The following WDR41 variants were observed in gnomAD, a reference collection of about 807,000 sequenced individuals.
WDR41 encodes the protein WD repeat domain 41, also known as WD repeat-containing protein 41.
A neutral mutation model predicts 69.3 loss-of-function variants in WDR41; 63 were observed. That is an observed-to-expected ratio of 0.91 (90% CI 0.74 to 1.12). The LOEUF (loss-of-function observed/expected upper bound fraction) is 1.12. Ranked by LOEUF, WDR41 falls within the 50% of genes most tolerant of loss-of-function variation. The probability of loss-of-function intolerance (pLI) is 0.00; values close to 1 mark genes in which losing one functional copy is unlikely to be tolerated. For synonymous variants in WDR41, 185 were observed against 192.1 expected, an observed-to-expected ratio of 0.96 and a Z score of 0.31; for missense variants, 543 against 534.5, an observed-to-expected ratio of 1.02 and a Z score of -0.16.
At chr5:77,480,500 A>C (rs576385101) in intron 2 of WDR41, among the ~76,000 whole-genome samples, 41 of 152,290 alleles carry the variant, frequency 2.7e-4, no homozygotes, top group African/African-American at 9.6e-4. Context: ...AGCCATAAAA[A>C]ATGATGAGTT....
chr5:77,556,058 G>A (rs1322743751), intron 1 of WDR41, among the ~76,000 whole-genome samples: 1 of 139,678 alleles, frequency 7.2e-6, no homozygotes, highest in African/African-American at 2.7e-5. Flanking sequence ...CCAGAAACAG[G>A]TTTGATTTTT....
At chr5:77,506,055 A>C (rs1390137974) in intron 1 of WDR41, among the ~76,000 whole-genome samples, 1 of 152,242 alleles carries the variant, frequency 6.6e-6, no homozygotes, top group Non-Finnish European at 1.5e-5. Flanking sequence ...ATTAAACTAA[A>C]GAGCTTCTGC....
At chr5:77,595,521 A>G (rs574592640) in intron 1 of WDR41, among the ~76,000 whole-genome samples, 1 of 152,314 alleles carries the variant, frequency 6.6e-6, no homozygotes, top group South Asian at 2.1e-4. Context: ...TTCACTGGCT[A>G]TTGATTTACT....
At chr5:77,442,648 T>C (rs1040243856) in intron 8 of WDR41, among the ~76,000 whole-genome samples, 1 of 151,978 alleles carries the variant, frequency 6.6e-6, no homozygotes, top group East Asian at 1.9e-4. Context: ...ATCCCAGCAC[T>C]TTGGGAGGCC....
At chr5:77,451,994 A>G (rs963361186) in intron 6 of WDR41, 1 of 146,208 alleles carries the variant, frequency 6.8e-6, no homozygotes, top group African/African-American at 2.6e-5. Context: ...AAGAGTTGAT[A>G]AATTAGAACC....
intron 2 of WDR41, among the ~76,000 whole-genome samples, chr5:77,476,388 G>T (rs948149650): frequency 3.3e-5 from 5 of 151,574 alleles, no homozygotes; most frequent in African/African-American, 1.2e-4. Flanking sequence ...CACCAAAGTT[G>T]AAATGAAGGA....
At chr5:77,509,166 A>G (rs139852418) in intron 1 of WDR41, among the ~76,000 whole-genome samples, 245 of 152,298 alleles carry the variant, frequency 1.6e-3, no homozygotes, top group African/African-American at 5.3e-3. Flanking sequence ...CAGACCAATA[A>G]TAGAAAATAT....
chr5:77,612,443 C>T (rs1035526876), intron 1 of WDR41, among the ~76,000 whole-genome samples: 2 of 152,176 alleles, frequency 1.3e-5, no homozygotes, highest in African/African-American at 4.8e-5. Flanking sequence ...AGCTTATCCA[C>T]CATGATCAAG....
intron 2 of WDR41, among the ~76,000 whole-genome samples, chr5:77,478,701 A>T (rs974811143): frequency 8.5e-5 from 13 of 152,122 alleles, no homozygotes; most frequent in South Asian, 2.1e-4. Flanking sequence ...TATCTATGAC[A>T]AACCCACAGC....
chr5:77,462,837 T>C (rs1411546357), intron 4 of WDR41, among the ~76,000 whole-genome samples: 1 of 152,232 alleles, frequency 6.6e-6, no homozygotes, highest in African/African-American at 2.4e-5. Flanking sequence ...TCATCAATTT[T>C]ATACAACCTG....
chr5:77,455,524 T>C (rs1344531034), intron 5 of WDR41, among the ~76,000 whole-genome samples: 2 of 152,230 alleles, frequency 1.3e-5, no homozygotes, highest in Non-Finnish European at 2.9e-5. Context: ...TTAAGACACC[T>C]AGCCCAAGGT....
In WDR41 at chr5:77,548,558, C is replaced by T. The variant is rs540479425; in HGVS notation, c.43-58986G>A. ...GACATCACTAATGATCAGGGAAATG[C>T]AAATCAAAACCACAATGTGATACCA... On this transcript the variant is annotated intron_variant, in intron 1 of 5. Coordinates refer to the WDR41 transcript ENST00000509971. 1.4e-4 allele frequency among the ~76,000 whole-genome samples: 22 copies of T among 152,270 alleles called. No homozygotes were observed. In the South Asian group the frequency reaches 4.6e-3, roughly 32 times the overall value.
chr5:77,434,337 G>T (rs1207833882), intron 12 of WDR41, among the ~76,000 whole-genome samples: 1 of 152,002 alleles, frequency 6.6e-6, no homozygotes, highest in Non-Finnish European at 1.5e-5. Flanking sequence ...AGTTTTCTCT[G>T]AAATGACATA....
intron 4 of WDR41, among the ~76,000 whole-genome samples, 175 bp from the exon 5 acceptor site, chr5:77,459,299 T>G (rs1181230879): frequency 2.0e-5 from 3 of 152,158 alleles, no homozygotes; most frequent in African/African-American, 7.2e-5. Context: ...GTCATCAACT[T>G]AGCAAAGCAG....
chr5:77,433,451 A>G (rs140688361), intron 12 of WDR41, among the ~76,000 whole-genome samples, 164 bp from the exon 13 acceptor site: 10 of 152,206 alleles, frequency 6.6e-5, no homozygotes, highest in African/African-American at 1.7e-4. Flanking sequence ...CATACAAATA[A>G]TATCTAATAT....
At position 77,431,859 on chromosome 5, in the gene WDR41, G is replaced by A. The variant is rs779686403; in HGVS notation, c.*1276C>T. ...AACTTTTCATGACTCAATGTTGTTT[G>A]GATTTAAAGTAGTCATATAAGCCTT... On this transcript the variant is annotated 3_prime_UTR_variant, in exon 13 of 13. Transcript: ENST00000296679. The A allele has an allele frequency of 2.0e-4, 27 of 138,262 alleles. No individual in the cohort carries two copies. Among genetic ancestry groups the A allele is most frequent in the Non-Finnish European group, 4.2e-4 (27 of 64,356 alleles). The allele number at this position is 138,262 out of a possible 1,614,324, so 8.6% of individuals were successfully genotyped here. A position where few individuals can be genotyped will look rare whatever the true frequency, so the allele number is the denominator to read the frequency against.
rs781197294 is a variant in WDR41 at position 77,433,135 on chromosome 5, C to G, written c.1380G>C (p.Ter460TyrextTer12). ...GCATGTGTATTTTTAATTCCTTAAA[C>G]TAGACAGCAAGGTATAAGTCACCAT... ...EENGDLYLAV[*>Y] is the part of the protein sequence containing the mutation. The change falls in exon 13 of 13, where the codon TAG (stop) becomes TAC (tyrosine). Residue 460 changes from the stop codon to tyrosine, a stop_lost. Transcript: ENST00000296679. The G allele has an allele frequency of 6.8e-6, 11 of 1,609,896 alleles. No individual in the cohort carries two copies. Among genetic ancestry groups the G allele is most frequent in the Middle Eastern group, 3.3e-4 (2 of 6,026 alleles).
At chr5:77,591,333 T>A (rs1418442664) in intron 1 of WDR41, among the ~76,000 whole-genome samples, 2 of 152,146 alleles carry the variant, frequency 1.3e-5, no homozygotes, top group African/African-American at 4.8e-5. Context: ...TCAAACTTAT[T>A]AGCCTTTTCA....
chr5:77,455,483 G>A (rs1018541861), intron 5 of WDR41, among the ~76,000 whole-genome samples: 1 of 151,890 alleles, frequency 6.6e-6, no homozygotes, highest in Non-Finnish European at 1.5e-5. Context: ...ATCTTTTTTT[G>A]TTGTTTGTTG....
Sources: allele counts gnomAD v4.1 joint callset (sites outside exome capture counted in the v4.1 genomes callset), GRCh38; gene constraint gnomAD v4.1.1; transcripts MANE v1.5; gene names NCBI Gene and HGNC (gene_info 2026-07-23, HGNC 2026-07-21).